ZNF469: variants seen among roughly 807,000 people sequenced by gnomAD.
ZNF469 encodes the protein zinc finger protein 469.
A neutral mutation model predicts 1.0 loss-of-function variants in ZNF469; 1 was observed. The observed-to-expected ratio is 1.00, with a 90% CI of 0.35 to 4.73. The LOEUF is 4.73. ZNF469 is among the 30% of genes most tolerant of loss of function. The probability of loss-of-function intolerance (pLI) is 0.16; values close to 1 mark genes in which losing one functional copy is unlikely to be tolerated. For missense variants in ZNF469, 6,100 were observed against 5,356.3 expected (o/e 1.14, Z -4.33); for synonymous variants, 2,703 against 2,363.4 (o/e 1.14, Z -4.17).
chr16:88,127,762 A>G, the ZNF469 span, among the ~76,000 whole-genome samples: 1 of 152,158 alleles, frequency 6.6e-6, no homozygotes, highest in Non-Finnish European at 1.5e-5. Flanking sequence ...TGAGATGAAG[A>G]AGGTTGGATT....
chr16:88,249,423 CTTTTTCTTTTT>C, the ZNF469 span, among the ~76,000 whole-genome samples: 52 of 61,742 alleles, frequency 8.4e-4, no homozygotes, highest in East Asian at 2.8e-3. Context: ...CTTTCTTTTT[CTTTTTCTTTTT>C]TTTTTTTTTT....
chr16:88,184,637 G>T, the ZNF469 span, among the ~76,000 whole-genome samples: 1 of 151,994 alleles, frequency 6.6e-6, no homozygotes, highest in African/African-American at 2.4e-5. Context: ...GCTGTGAGTA[G>T]CACCGCTGTC....
At chr16:88,138,536 C>T in the ZNF469 span, among the ~76,000 whole-genome samples, 6 of 152,298 alleles carry the variant, frequency 3.9e-5, no homozygotes, top group East Asian at 9.6e-4. Flanking sequence ...AAGGAATCTG[C>T]CCCTAGACAC....
chr16:88,209,160 C>A, the ZNF469 span, among the ~76,000 whole-genome samples: 2 of 152,088 alleles, frequency 1.3e-5, no homozygotes, highest in Non-Finnish European at 2.9e-5. Context: ...CAAAACCCTA[C>A]ACACACACAT....
upstream of ZNF469, among the ~76,000 whole-genome samples, chr16:88,381,088 ACT>A (rs1372072655): frequency 1.4e-5 from 2 of 146,104 alleles, no homozygotes; most frequent in East Asian, 4.1e-4. Context: ...TCACACACGC[ACT>A]CACACACCCG....
chr16:88,273,633 C>T, the ZNF469 span, among the ~76,000 whole-genome samples: 1 of 152,188 alleles, frequency 6.6e-6, no homozygotes, highest in Admixed American at 6.5e-5. Flanking sequence ...CTTTATGATT[C>T]AGCCACTTTT....
chr16:88,431,573 T>C lies in ZNF469; in HGVS notation c.4103T>C (p.Val1368Ala), dbSNP rs1567512318. 1.3e-6 allele frequency: 2 copies of C among 1,550,434 alleles called. No individual in the cohort carries two copies. The highest frequency in any genetic ancestry group is 1.2e-5 in the South Asian group (1 of 84,062). The change falls in exon 3 of 3, where the codon GTT (valine) becomes GCT (alanine). Residue 1368 changes from valine (V) to alanine (A), a missense_variant. Transcript: ENST00000565624. ...GFNRDPLGVPVAKKGPQPYSS... is the reference protein window; with the variant it reads ...GFNRDPLGVPAAKKGPQPYSS... ...AACAGAGACCCCTTGGGGGTTCCAG[T>C]TGCCAAAAAGGGGCCTCAGCCCTAC...
chr16:88,417,894 G>A (rs143874017), intron 1 of ZNF469, among the ~76,000 whole-genome samples: 76 of 152,342 alleles, frequency 5.0e-4, no homozygotes, highest in African/African-American at 1.7e-3. Context: ...GTATGAGCAT[G>A]TGCTCACGCG....
At chr16:88,244,332 A>G in the ZNF469 span, among the ~76,000 whole-genome samples, 4 of 118,562 alleles carry the variant, frequency 3.4e-5, no homozygotes, top group African/African-American at 6.7e-5. Context: ...TGGGTGGATG[A>G]GTGGGTTAGT....
the ZNF469 span, among the ~76,000 whole-genome samples, chr16:88,151,287 G>A: frequency 3.3e-5 from 5 of 152,372 alleles, no homozygotes; most frequent in Admixed American, 2.6e-4. The surrounding 1 kb of genome is among the most constrained non-coding windows in gnomAD (Gnocchi z 5.4). Flanking sequence ...TCACACGGGC[G>A]CGGGCCGTGG....
chr16:88,322,351 G>GGC, the ZNF469 span, among the ~76,000 whole-genome samples: 1 of 152,244 alleles, frequency 6.6e-6, no homozygotes, highest in African/African-American at 2.4e-5. Context: ...TCACATGGGA[G>GGC]GCGGCTGCGA....
the ZNF469 span, among the ~76,000 whole-genome samples, chr16:88,134,806 G>A: frequency 4.6e-5 from 7 of 152,264 alleles, no homozygotes; most frequent in African/African-American, 1.2e-4. Flanking sequence ...TTTTTTCTTT[G>A]GCTGATTGCC....
the ZNF469 span, chr16:88,195,211 G>C: frequency 6.6e-6 from 1 of 152,248 alleles, no homozygotes; most frequent in Non-Finnish European, 1.5e-5. Flanking sequence ...CATGGAACGT[G>C]CCTTCAGATG....
chr16:88,347,884 C>T, the ZNF469 span, among the ~76,000 whole-genome samples: 1 of 152,260 alleles, frequency 6.6e-6, no homozygotes, highest in Non-Finnish European at 1.5e-5. Context: ...CAGGGTACAG[C>T]TGGAGTAGGG....
the ZNF469 span, among the ~76,000 whole-genome samples, chr16:88,238,203 C>G: frequency 9.9e-5 from 15 of 152,250 alleles, no homozygotes; most frequent in African/African-American, 3.6e-4. Context: ...ATGTGGCCGG[C>G]AGCACCCACT....
chr16:88,384,276 C>T (rs1034498630), intron 1 of ZNF469, among the ~76,000 whole-genome samples: 1 of 152,222 alleles, frequency 6.6e-6, no homozygotes, highest in African/African-American at 2.4e-5. Context: ...GCCCATTCTG[C>T]CAAGAGCAAG....
chr16:88,408,759 C>A (rs1212432029), intron 1 of ZNF469, among the ~76,000 whole-genome samples: 6 of 152,266 alleles, frequency 3.9e-5, no homozygotes, highest in African/African-American at 1.4e-4. Context: ...CCCTGCAGAC[C>A]CCAGCTGGCC....
At chr16:88,359,119 G>T in the ZNF469 span, among the ~76,000 whole-genome samples, 15,159 of 152,234 alleles carry the variant, frequency 0.1, 784 homozygotes, top group Middle Eastern at 0.15. Context: ...GGCAAGTTAC[G>T]CCCCCACCAG....
At chr16:88,132,769 C>A in the ZNF469 span, among the ~76,000 whole-genome samples, 2 of 152,222 alleles carry the variant, frequency 1.3e-5, no homozygotes, top group African/African-American at 4.8e-5. Flanking sequence ...CAGTGGCCCT[C>A]TGCCATGTCA....
Sources: gnomAD v4.1 joint callset for allele counts (sites outside exome capture counted in the v4.1 genomes callset) on GRCh38, gnomAD v4.1.1 for gene constraint, Gnocchi (gnomAD v3.1) non-coding constraint, MANE v1.5 for transcripts, NCBI Gene and HGNC (gene_info 2026-07-23, HGNC 2026-07-21) for gene names.